KIFC1: variants seen among roughly 807,000 people sequenced by gnomAD.
KIFC1 encodes the protein kinesin family member C1.
A neutral mutation model predicts 66.6 loss-of-function variants in KIFC1; 37 were observed. That is an observed-to-expected ratio of 0.56 (90% confidence interval 0.43 to 0.73). The LOEUF is 0.73. KIFC1 is among the 30% of genes least tolerant of loss of function. The pLI, the probability that KIFC1 is intolerant of heterozygous loss-of-function variation, is 0.00. For synonymous variants in KIFC1, 325 were observed against 343.5 expected (o/e 0.95, Z 0.60); for missense variants, 721 against 859.8 (o/e 0.84, Z 2.02).
At chr6:33,394,528 C>G (rs1475062075) in intron 1 of KIFC1, among the ~76,000 whole-genome samples, 1 of 152,194 alleles carries the variant, frequency 6.6e-6, no homozygotes, top group Non-Finnish European at 1.5e-5. Context: ...GTTGCCCAGG[C>G]TGGAGTGCAG....
At position 33,401,907 on chromosome 6, in the gene KIFC1, G is replaced by A. The variant is rs1175432215; in HGVS notation, c.251-1407G>A. Among the ~76,000 whole-genome samples the A allele has an allele frequency of 3.9e-5, 6 of 152,028 alleles. No individual in the cohort carries two copies. The highest frequency in any genetic ancestry group is 1.4e-4 in the African/African-American group (6 of 41,384). The stretch of plus-strand genomic sequence containing the variant: ...TTTTTAGGAGAGACGGGGTTTCACC[G>A]TGTTAGCCAGGATGGTCTCAATCTC... On this transcript the variant is annotated intron_variant, in intron 3 of 10. Coordinates refer to ENST00000428849, the MANE Select transcript of KIFC1 (RefSeq NM_002263.4). The surrounding 1 kb of genome is among the most constrained non-coding windows in gnomAD (Gnocchi z 4.5).
At position 33,403,940 on chromosome 6, in the gene KIFC1, G is replaced by C. The variant is rs758170392; in HGVS notation, c.567G>C (p.Glu189Asp). 52 of 1,614,130 alleles carry C rather than the reference G, an allele frequency of 3.2e-5. No individual in the cohort carries two copies. The African/African-American group carries it at 6.5e-4, about 20-fold the overall frequency. ...TGGGGACAGAGCGCACAACACTGGA[G>C]GGGCATTTAGCCAAGGTACAGGCCC... is the stretch of plus-strand genomic sequence containing the variant. Reference protein sequence around the residue: ...KALGTERTTLEGHLAKVQAQA... With the variant: ...KALGTERTTLDGHLAKVQAQA... The change falls in exon 6 of 11, where the codon GAG becomes GAC. Residue 189 changes from glutamate to aspartate, a missense_variant. Physicochemically the swap from Glu to Asp is conservative, Grantham distance 45. Coordinates refer to ENST00000428849, the MANE Select transcript of KIFC1 (RefSeq NM_002263.4). This position sits in a 1 kb window ranked among gnomAD's most constrained non-coding sequence, Gnocchi z 4.6.
rs1255503616 is a variant in KIFC1, at chr6:33,403,601, G to C, written c.355+66G>C. The C allele has an allele frequency of 1.3e-6, 2 of 1,588,782 alleles. No individual in the cohort carries two copies. The highest frequency in any genetic ancestry group is 1.3e-5 in the African/African-American group (1 of 74,532). ...GGGAAGAGAAGATGGTGAGTGACCA[G>C]AAAAATCCATTTGGTCTCTAAGGGG... On this transcript the variant is annotated intron_variant, in intron 5 of 10. Coordinates refer to ENST00000428849, the MANE Select transcript of KIFC1 (RefSeq NM_002263.4). This position sits in a 1 kb window ranked among gnomAD's most constrained non-coding sequence, Gnocchi z 4.6.
In KIFC1 at chr6:33,403,393, G is replaced by A. The variant is rs115453665; in HGVS notation, c.304+26G>A. The A allele has an allele frequency of 9.2e-4, 1,479 of 1,613,578 alleles. 3 individuals are homozygous for A. The highest frequency in any genetic ancestry group is 1.2e-3 in the Non-Finnish European group (1,371 of 1,179,460). On this transcript the variant is annotated intron_variant, in intron 4 of 10. Coordinates refer to ENST00000428849, the MANE Select transcript of KIFC1 (RefSeq NM_002263.4). The surrounding 1 kb of genome is among the most constrained non-coding windows in gnomAD (Gnocchi z 4.6). ...GTAACTGTGCTCAAGAGCTGGGTCT[G>A]AGAAGGGATTTGGGGTATGTGTAAA...
rs184756783 is a variant in KIFC1, at chr6:33,407,059, C to T, written c.1977+184C>T. 2.5e-4 allele frequency: 349 copies of T among 1,401,000 alleles called. No individual in the cohort carries two copies. The Middle Eastern group carries it at 2.9e-3, about 12-fold the overall frequency. 86.8% of individuals were successfully genotyped at this position (1,401,000 alleles called of 1,614,324 possible). ...CTTTTGAGTTAAGTTTTTTAAAAAA[C>T]GGGTGATTAATTTAACCTGAGAAAG... On this transcript the variant is annotated intron_variant, in intron 10 of 10. Coordinates refer to ENST00000428849, the MANE Select transcript of KIFC1 (RefSeq NM_002263.4).
At position 33,406,853 on chromosome 6, in the gene KIFC1, A is replaced by G. The variant is rs1351599126; in HGVS notation, c.1955A>G (p.Asn652Ser). 8 of 1,613,504 alleles carry G rather than the reference A, an allele frequency of 5.0e-6. No individual in the cohort carries two copies. The highest frequency in any genetic ancestry group is 2.2e-5 in the South Asian group (2 of 91,056). The change falls in exon 10 of 11, where the codon AAC becomes AGC. Residue 652 changes from asparagine to serine, a missense_variant. Coordinates refer to ENST00000428849, the MANE Select transcript of KIFC1 (RefSeq NM_002263.4). The surrounding 1 kb of genome is among the most constrained non-coding windows in gnomAD (Gnocchi z 4.5). ...GAAGAGAACGTCTCCGAGTCCCTCA[A>G]CTCTCTACGCTTTGCCTCCAAGGTG... Reference protein sequence around the residue: ...PLEENVSESLNSLRFASKVNQ... With the variant: ...PLEENVSESLSSLRFASKVNQ...
At position 33,406,872 on chromosome 6, in the gene KIFC1, C is replaced by T. The variant is rs777336340; in HGVS notation, c.1974C>T (p.Ser658=). ...CCCTCAACTCTCTACGCTTTGCCTCCAAGGTGCGATTACCACCCGTCAGCC... is the reference window on the plus strand; with the variant it reads ...CCCTCAACTCTCTACGCTTTGCCTCTAAGGTGCGATTACCACCCGTCAGCC... ...SESLNSLRFA[S]KVNQCVIGTA... is the part of the protein sequence containing the mutation. The change falls in exon 10 of 11, where the codon TCC becomes TCT. Residue 658 remains serine (S), a synonymous_variant. Coordinates refer to ENST00000428849, the MANE Select transcript of KIFC1 (RefSeq NM_002263.4). This position sits in a 1 kb window ranked among gnomAD's most constrained non-coding sequence, Gnocchi z 4.5. The T allele has an allele frequency of 8.7e-6, 14 of 1,614,082 alleles. No homozygotes were observed. The South Asian group carries it at 1.3e-4, about 15-fold the overall frequency.
chr6:33,405,039 G>A lies in KIFC1; in HGVS notation c.944G>A (p.Cys315Tyr). ...QELKGNIRVF[C>Y]RVRPVLPGEP... is the part of the protein sequence containing the mutation. ...CTCAAGGGCAACATCCGTGTATTCTGCCGGGTCCGCCCTGTCCTGCCGGGG... is the reference window on the plus strand; with the variant it reads ...CTCAAGGGCAACATCCGTGTATTCTACCGGGTCCGCCCTGTCCTGCCGGGG... Residue 315 changes from cysteine (C) to tyrosine (Y), a missense_variant, in exon 7 of 11, where the codon TGC becomes TAC. Transcript: ENST00000428849. The surrounding 1 kb of genome is among the most constrained non-coding windows in gnomAD (Gnocchi z 5.4). 1.2e-6 allele frequency: 2 copies of A among 1,614,098 alleles called. No homozygotes were observed. The highest frequency in any genetic ancestry group is 1.7e-6 in the Non-Finnish European group (2 of 1,179,990).
In KIFC1 at chr6:33,406,499, G is replaced by C. The variant is rs891468562; in HGVS notation, c.1827+13G>C. 3 of 1,603,930 alleles carry C rather than the reference G, an allele frequency of 1.9e-6. No individual in the cohort carries two copies. The African/African-American group carries it at 4.0e-5, about 21-fold the overall frequency. On this transcript the variant is annotated intron_variant, in intron 8 of 10. Transcript: ENST00000428849. The surrounding 1 kb of genome is among the most constrained non-coding windows in gnomAD (Gnocchi z 4.5). Reference sequence around the variant, plus strand: ...CCTGAGCAACAAGGTGGGAATGGGAGTGGGGTGAGATACGGGACCTGGGGG... The same window carrying C: ...CCTGAGCAACAAGGTGGGAATGGGACTGGGGTGAGATACGGGACCTGGGGG...
Position 33,405,436 on chromosome 6 carries a change from G to A in KIFC1, c.1341G>A (p.Glu447=), listed in dbSNP as rs768491950. 3 of 1,604,962 alleles carry A rather than the reference G, an allele frequency of 1.9e-6. No individual in the cohort carries two copies. Among genetic ancestry groups the A allele is most frequent in the African/African-American group, 1.3e-5 (1 of 74,882 alleles). ...GGCACCTCTTCTCTGTGGCTCAGGA[G>A]CTGAGTGGTCAGGGCTGGACCTACA... ...ALRHLFSVAQ[E]LSGQGWTYSF... Residue 447 remains glutamate, a synonymous_variant, in exon 7 of 11, where the codon GAG becomes GAA. Coordinates refer to ENST00000428849, the MANE Select transcript of KIFC1 (RefSeq NM_002263.4). This position sits in a 1 kb window ranked among gnomAD's most constrained non-coding sequence, Gnocchi z 5.4.
At chr6:33,391,752 G>A, upstream of KIFC1, 1 of 625,972 alleles carries the variant, frequency 1.6e-6, no homozygotes, top group South Asian at 1.8e-5. Context: ...GCTGCGATTG[G>A]CCCTCGGCTG....
rs146726481 is a variant in KIFC1 at position 33,406,815 on chromosome 6, C to T, written c.1917C>T (p.Asn639=). ...GGSAKMLMFV[N]ISPLEENVSE... ...CTTTTCATAGGCTCATGTTTGTGAA[C>T]ATTTCTCCACTGGAAGAGAACGTCT... Residue 639 remains asparagine (N), a synonymous_variant, in exon 10 of 11, where the codon AAC becomes AAT. Coordinates refer to ENST00000428849, the MANE Select transcript of KIFC1 (RefSeq NM_002263.4). This position sits in a 1 kb window ranked among gnomAD's most constrained non-coding sequence, Gnocchi z 4.5. The T allele has an allele frequency of 3.1e-6, 5 of 1,614,112 alleles. No homozygotes were observed. In the African/African-American group the frequency reaches 6.7e-5, roughly 22 times the overall value.
At chr6:33,408,538 C>A (rs558765870) in intron 10 of KIFC1, among the ~76,000 whole-genome samples, 1 of 152,116 alleles carries the variant, frequency 6.6e-6, no homozygotes, top group Non-Finnish European at 1.5e-5. Context: ...TGGTTAGTCA[C>A]GATTCTTTTA....
At chr6:33,396,835 C>G (rs1185913191) in intron 1 of KIFC1, among the ~76,000 whole-genome samples, 1 of 151,946 alleles carries the variant, frequency 6.6e-6, no homozygotes, top group Non-Finnish European at 1.5e-5. Flanking sequence ...GCGCCTGCCA[C>G]CACGCCCGGC....
intron 1 of KIFC1, among the ~76,000 whole-genome samples, chr6:33,394,593 C>T (rs1562825299): frequency 6.6e-6 from 1 of 152,162 alleles, no homozygotes; most frequent in African/African-American, 2.4e-5. Flanking sequence ...GCAATCCTCC[C>T]ACCTCAATCT....
At chr6:33,396,823 A>T (rs537420235) in intron 1 of KIFC1, among the ~76,000 whole-genome samples, 3 of 151,584 alleles carry the variant, frequency 2.0e-5, no homozygotes, top group South Asian at 4.2e-4. Context: ...CTGGGACTAC[A>T]GGCGCCTGCC....
At chr6:33,397,977 T>G (rs560732705) in intron 1 of KIFC1, 52 bp from the exon 2 acceptor site, 7 of 1,599,772 alleles carry the variant, frequency 4.4e-6, no homozygotes, top group Middle Eastern at 1.7e-4. Context: ...CAGGAAGTTC[T>G]TGGGACATTT....
intron 1 of KIFC1, among the ~76,000 whole-genome samples, chr6:33,395,589 A>G (rs1774990951): frequency 6.6e-6 from 1 of 152,208 alleles, no homozygotes; most frequent in African/African-American, 2.4e-5. Context: ...GCATCATTCT[A>G]GCTTTATATT....
chr6:33,405,665 G>C lies in KIFC1; in HGVS notation c.1536+34G>C, dbSNP rs759224167. ...CCATGGGCACTGGAACTGGGAAATG[G>C]GGAGGAGTGGGCAGGGTGCCACGAG... On this transcript the variant is annotated intron_variant, in intron 7 of 10. Coordinates refer to ENST00000428849, the MANE Select transcript of KIFC1 (RefSeq NM_002263.4). This position sits in a 1 kb window ranked among gnomAD's most constrained non-coding sequence, Gnocchi z 5.4. 2.0e-6 allele frequency: 3 copies of C among 1,474,678 alleles called. No individual in the cohort carries two copies. In the Admixed American group the frequency reaches 7.1e-5, roughly 35 times the overall value. 91.3% of individuals were successfully genotyped at this position (1,474,678 alleles called of 1,614,324 possible).
Sources: gnomAD v4.1 joint callset for allele counts (sites outside exome capture counted in the v4.1 genomes callset) on GRCh38, gnomAD v4.1.1 for gene constraint, Gnocchi (gnomAD v3.1) non-coding constraint, MANE v1.5 for transcripts, NCBI Gene and HGNC (gene_info 2026-07-23, HGNC 2026-07-21) for gene names.